MYCL: variants seen among roughly 807,000 people sequenced by gnomAD.
MYCL encodes the protein protein L-Myc.
MYCL carries 11 observed loss-of-function variants against 31.0 expected under a neutral mutation model. The observed-to-expected ratio is 0.35, with a 90% CI of 0.22 to 0.59. The LOEUF (loss-of-function observed/expected upper bound fraction) is 0.59, where lower values mean the gene tolerates loss of function less well. Among genes scored for constraint, MYCL ranks in the 20% least tolerant of loss-of-function variants. The pLI is 0.79. For synonymous variants in MYCL, 208 were observed against 202.4 expected, an observed-to-expected ratio of 1.03 and a Z score of -0.23; for missense variants, 427 against 486.1, an observed-to-expected ratio of 0.88 and a Z score of 1.14.
At chr1:39,898,897 C>A in intron 1 of MYCL, 5 of 985,226 alleles carry the variant, frequency 5.1e-6, no homozygotes, top group Non-Finnish European at 6.0e-6. Context: ...GGAGAAAAGT[C>A]TCCTCCTGCT....
chr1:39,898,864 C>G, intron 1 of MYCL: 1 of 985,456 alleles, frequency 1.0e-6, no homozygotes, highest in African/African-American at 1.7e-5. Flanking sequence ...CTTAGGTTAA[C>G]CTAACCAGGA....
intron 1 of MYCL, 167 bp downstream of exon 1, chr1:39,900,768 ACACC>A (rs1644528788): frequency 7.0e-7 from 1 of 1,427,294 alleles, no homozygotes; most frequent in Non-Finnish European, 9.2e-7. Flanking sequence ...GTTTACCAAC[ACACC>A]CACGTGCCAG....
At chr1:39,898,871 A>C in intron 1 of MYCL, 1 of 985,462 alleles carries the variant, frequency 1.0e-6, no homozygotes, top group Non-Finnish European at 1.2e-6. Context: ...TAACCTAACC[A>C]GGAGAGGGGC....
rs1391870973 is a variant in MYCL, at chr1:39,901,397, T to C, written c.38A>G (p.Tyr13Cys). The change falls in exon 1 of 2, where the codon TAT becomes TGT. Residue 13 changes from tyrosine (Y) to cysteine (C), a missense_variant. By Grantham distance (194) the Tyr-to-Cys change is radical (BLOSUM62 -2). Transcript: ENST00000372816. The surrounding 1 kb of genome is among the most constrained non-coding windows in gnomAD (Gnocchi z 6.9). ...YDSYQHYFYDYDCGEDFYRST... is the reference protein window; with the variant it reads ...YDSYQHYFYDCDCGEDFYRST... Reference sequence around the variant, plus strand: ...GCGGTAGAAATCCTCCCCGCAGTCATAGTCGTAGAAATAGTGCTGGTACGA... The same window carrying C: ...GCGGTAGAAATCCTCCCCGCAGTCACAGTCGTAGAAATAGTGCTGGTACGA... 5.6e-6 allele frequency: 9 copies of C among 1,612,972 alleles called. No homozygotes were observed. In the East Asian group the frequency reaches 8.9e-5, roughly 16 times the overall value.
Position 39,901,211 on chromosome 1 carries a change from G to A in MYCL, c.224C>T (p.Ser75Phe), listed in dbSNP as rs1644535163. The A allele has an allele frequency of 6.2e-7, 1 of 1,612,718 alleles. No homozygotes were observed. Among genetic ancestry groups the A allele is most frequent in the Admixed American group, 1.7e-5 (1 of 59,870 alleles). ...PGGCTGDEAE[S>F]RGHSKGWGRN... ...GCCCCAGCCTTTCGAGTGGCCCCGGGATTCCGCTTCGTCTCCGGTGCACCC... is the reference window on the plus strand; with the variant it reads ...GCCCCAGCCTTTCGAGTGGCCCCGGAATTCCGCTTCGTCTCCGGTGCACCC... Residue 75 changes from serine to phenylalanine, a missense_variant, in exon 1 of 2, where the codon TCC (serine) becomes TTC (phenylalanine). Transcript: ENST00000372816. This position sits in a 1 kb window ranked among gnomAD's most constrained non-coding sequence, Gnocchi z 6.9.
Position 39,897,061 on chromosome 1 carries a change from T to G in MYCL, c.*311A>C. 3.0e-6 allele frequency: 1 copy of G among 331,972 alleles called. No homozygotes were observed. The highest frequency in any genetic ancestry group is 6.9e-5 in the South Asian group (1 of 14,406). 20.6% of individuals were successfully genotyped at this position (331,972 alleles called of 1,614,324 possible). On this transcript the variant is annotated 3_prime_UTR_variant, in exon 2 of 2. Transcript: ENST00000372816. This position sits in a 1 kb window ranked among gnomAD's most constrained non-coding sequence, Gnocchi z 4.3. ...AACATCCACCACCTGTTGCATAGCA[T>G]CTGTCAGCCTTTTCTTCAGAGCTAG...
rs371783648 is a variant in MYCL, at chr1:39,901,264, C to T, written c.171G>A (p.Gly57=). The T allele has an allele frequency of 6.2e-7, 1 of 1,602,688 alleles. No individual in the cohort carries two copies. The highest frequency in any genetic ancestry group is 8.5e-7 in the Non-Finnish European group (1 of 1,175,182). ...CGGGCCACGGCTCCGGGGGACCAAT[C>T]CCGGGGGCCGGGTCCCCTGCGCCGG... ...LGPGAGDPAP[G]IGPPEPWPGG... is the part of the protein sequence containing the mutation. The change falls in exon 1 of 2, where the codon GGG becomes GGA. Residue 57 remains glycine, a synonymous_variant. Transcript: ENST00000372816. This position sits in a 1 kb window ranked among gnomAD's most constrained non-coding sequence, Gnocchi z 6.9.
rs951867187 is a variant in MYCL, at chr1:39,901,797, C to A, written c.-363G>T. The A allele has an allele frequency of 7.8e-7, 1 of 1,279,198 alleles. No individual in the cohort carries two copies. The highest frequency in any genetic ancestry group is 1.0e-6 in the Non-Finnish European group (1 of 1,002,322). The allele number at this position is 1,279,198 out of a possible 1,614,324, so 79.2% of individuals were successfully genotyped here. On this transcript the variant is annotated 5_prime_UTR_variant, in exon 1 of 2. Coordinates refer to ENST00000372816, the MANE Select transcript of MYCL (RefSeq NM_001033081.3). This position sits in a 1 kb window ranked among gnomAD's most constrained non-coding sequence, Gnocchi z 6.9. ...GACCCGCGCCCGTGCCCTGGCCACC[C>A]GCAGCCTCACCTCGCTCCAGCCGCC...
Position 39,901,052 on chromosome 1 carries a change from G to A in MYCL, c.383C>T (p.Ala128Val), listed in dbSNP as rs979088071. ...TTCGAGGCTGGGAGTGCAGTCCGGG[G>A]CGGCGGACGCCTTGGGCGGGTTCCC... The part of the protein sequence containing the change: ...PRGNPPKASA[A>V]PDCTPSLEAG... Residue 128 changes from alanine to valine, a missense_variant, in exon 1 of 2, where the codon GCC becomes GTC. Physicochemically the swap from Ala to Val is moderately conservative, Grantham distance 64. Transcript: ENST00000372816. This position sits in a 1 kb window ranked among gnomAD's most constrained non-coding sequence, Gnocchi z 6.9. The A allele has an allele frequency of 3.2e-6, 5 of 1,547,178 alleles. No individual in the cohort carries two copies. The highest frequency in any genetic ancestry group is 1.8e-4 in the Middle Eastern group (1 of 5,580).
chr1:39,898,915 T>G, intron 1 of MYCL: 1 of 985,420 alleles, frequency 1.0e-6, no homozygotes, highest in Non-Finnish European at 1.2e-6. Context: ...GCTCCACACA[T>G]TTTGCAGCCT....
At position 39,896,894 on chromosome 1, in the gene MYCL, G is replaced by A. The variant is rs935287868; in HGVS notation, c.*478C>T. The stretch of plus-strand genomic sequence containing the variant: ...TGTCTTCACCCAAGACAGCTCGTGT[G>A]TCTTCTGGAAAAAGGAGCCTCAGGG... On this transcript the variant is annotated 3_prime_UTR_variant, in exon 2 of 2. Transcript: ENST00000372816. The A allele has an allele frequency of 5.0e-6, 1 of 198,602 alleles. No individual in the cohort carries two copies. The highest frequency in any genetic ancestry group is 2.3e-5 in the African/African-American group (1 of 43,002). 12.3% of individuals were successfully genotyped at this position (198,602 alleles called of 1,614,324 possible).
At chr1:39,898,096 T>C (rs200431326) in intron 1 of MYCL, 126 bp from the exon 2 acceptor site, 23 of 1,339,310 alleles carry the variant, frequency 1.7e-5, no homozygotes, top group East Asian at 3.0e-5. Flanking sequence ...TTTAGATATA[T>C]ACAAATCGAG....
rs1315553360 is a variant in MYCL, at chr1:39,897,319, TA to T, written c.*52del. 2 of 1,500,932 alleles carry T rather than the reference TA, an allele frequency of 1.3e-6. No homozygotes were observed. The highest frequency in any genetic ancestry group is 1.4e-5 in the African/African-American group (1 of 71,558). 93.0% of individuals were successfully genotyped at this position (1,500,932 alleles called of 1,614,324 possible). A position where few individuals can be genotyped will look rare whatever the true frequency, so the allele number is the denominator to read the frequency against. ...AAATTACTAAAGGGGAGAGGGAGGT[TA>T]AAAAATAAACTTGTGTCTTCGTAAG... On this transcript the variant is annotated 3_prime_UTR_variant, in exon 2 of 2. Coordinates refer to ENST00000372816, the MANE Select transcript of MYCL (RefSeq NM_001033081.3). The surrounding 1 kb of genome is among the most constrained non-coding windows in gnomAD (Gnocchi z 4.3).
At chr1:39,898,818 T>C in intron 1 of MYCL, 1 of 985,476 alleles carries the variant, frequency 1.0e-6, no homozygotes, top group Non-Finnish European at 1.2e-6. Context: ...TGGAGACACC[T>C]GGACACGCCC....
At chr1:39,898,618 G>C (rs1347775377) in intron 1 of MYCL, 1 of 981,204 alleles carries the variant, frequency 1.0e-6, no homozygotes, top group African/African-American at 1.8e-5. Context: ...GGTTTCTAAA[G>C]TCATCCATCA....
In MYCL at chr1:39,901,225, T is replaced by C. The variant is rs1304173253; in HGVS notation, c.210A>G (p.Gly70=). The C allele has an allele frequency of 4.3e-6, 7 of 1,611,532 alleles. No individual in the cohort carries two copies. Among genetic ancestry groups the C allele is most frequent in the Non-Finnish European group, 5.9e-6 (7 of 1,179,096 alleles). The change falls in exon 1 of 2, where the codon GGA becomes GGG. Residue 70 remains glycine, a synonymous_variant. Transcript: ENST00000372816. This position sits in a 1 kb window ranked among gnomAD's most constrained non-coding sequence, Gnocchi z 6.9. Reference sequence around the variant, plus strand: ...AGTGGCCCCGGGATTCCGCTTCGTCTCCGGTGCACCCTCCGGGCCACGGCT... The same window carrying C: ...AGTGGCCCCGGGATTCCGCTTCGTCCCCGGTGCACCCTCCGGGCCACGGCT... ...PPEPWPGGCT[G]DEAESRGHSK... is the part of the protein sequence containing the mutation.
chr1:39,897,701 TCA>T lies in MYCL; in HGVS notation c.764_765del (p.Val255GlufsTer8). On this transcript the variant is annotated frameshift_variant, in exon 2 of 2. Transcript: ENST00000372816. LOFTEE classifies it high-confidence loss of function. This position sits in a 1 kb window ranked among gnomAD's most constrained non-coding sequence, Gnocchi z 4.3. ...GCCTCACTTTCTACAGGTGGGGGACTCACAATCTCTTCATCCTCCTCATCTTC... is the reference window on the plus strand; with the variant it reads ...GCCTCACTTTCTACAGGTGGGGGACTCAATCTCTTCATCCTCCTCATCTTC... The part of the protein sequence containing the change: ...EKEDEEDEEI[V>X]SPPPVESEAA... 1.9e-6 allele frequency: 3 copies of T among 1,614,206 alleles called. No homozygotes were observed. The highest frequency in any genetic ancestry group is 2.5e-6 in the Non-Finnish European group (3 of 1,180,032).
intron 1 of MYCL, chr1:39,899,135 T>A: frequency 3.1e-6 from 3 of 955,984 alleles, no homozygotes; most frequent in Non-Finnish European, 3.7e-6. Context: ...TTTGGACTTC[T>A]GTCTTACCCA....
chr1:39,900,514 T>C, intron 1 of MYCL: 1 of 1,097,070 alleles, frequency 9.1e-7, no homozygotes, highest in Non-Finnish European at 1.1e-6. Context: ...GACGAAGGTT[T>C]TGGCTTTGCA....
Sources: allele counts gnomAD v4.1 joint callset, GRCh38; gene constraint gnomAD v4.1.1; non-coding constraint Gnocchi (gnomAD v3.1); transcripts MANE v1.5; gene names NCBI Gene and HGNC (gene_info 2026-07-23, HGNC 2026-07-21).